Variants in BARX2 observed in about 807,000 individuals in gnomAD.
BARX2 encodes homeobox protein BarH-like 2.
Under a neutral mutation model 25.5 loss-of-function variants are expected in BARX2, and 11 were observed. The ratio of observed to expected loss-of-function variants is 0.43; its 90% CI spans 0.27 to 0.71. The LOEUF (loss-of-function observed/expected upper bound fraction) is 0.71. BARX2 is among the 30% of genes least tolerant of loss of function. The pLI, the probability that BARX2 is intolerant of heterozygous loss-of-function variation, is 0.19. For synonymous variants in BARX2, 137 were observed against 149.5 expected, an observed-to-expected ratio of 0.92 and a Z score of 0.61; for missense variants, 360 against 359.9, an observed-to-expected ratio of 1.00 and a Z score of 0.00.
In BARX2 at chr11:129,398,949, T is replaced by G. The variant is rs1861749303; in HGVS notation, c.187+22727T>G. On this transcript the variant is annotated intron_variant, in intron 1 of 3. Coordinates refer to ENST00000281437, the MANE Select transcript of BARX2 (RefSeq NM_003658.5). ...ATAACTGTGTTTTGTTCCTTTATAA[T>G]ACAGTTGCTCAGAGAAAGTCATGCT... 2.6e-5 allele frequency among the ~76,000 whole-genome samples: 4 copies of G among 152,322 alleles called. No homozygotes were observed. In the South Asian group the frequency reaches 8.3e-4, roughly 32 times the overall value.
At chr11:129,396,035 T>C (rs1861716920) in intron 1 of BARX2, among the ~76,000 whole-genome samples, 1 of 152,154 alleles carries the variant, frequency 6.6e-6, no homozygotes, top group Non-Finnish European at 1.5e-5. Context: ...GGTGTAATAA[T>C]AACCACCAGA....
At position 129,376,878 on chromosome 11, in the gene BARX2, C is replaced by G. The variant is rs1476110659; in HGVS notation, c.187+656C>G. Among the ~76,000 whole-genome samples, 1 of 152,186 alleles carries G rather than the reference C, an allele frequency of 6.6e-6. No individual in the cohort carries two copies. The highest frequency in any genetic ancestry group is 1.5e-5 in the Non-Finnish European group (1 of 68,048). ...GGTAACAATGAAAACATTACTCACA[C>G]CTGGTTTTCTCTCTTCACGGGAGGT... On this transcript the variant is annotated intron_variant, in intron 1 of 3. Coordinates refer to ENST00000281437, the MANE Select transcript of BARX2 (RefSeq NM_003658.5). This position sits in a 1 kb window ranked among gnomAD's most constrained non-coding sequence, Gnocchi z 4.2.
intron 1 of BARX2, among the ~76,000 whole-genome samples, chr11:129,433,242 T>A (rs1208252417): frequency 6.6e-6 from 1 of 152,130 alleles, no homozygotes; most frequent in Non-Finnish European, 1.5e-5. Flanking sequence ...ACTCTCTCTC[T>A]CATACCTGAC....
intron 1 of BARX2, among the ~76,000 whole-genome samples, chr11:129,403,285 C>T (rs1000732776): frequency 2.0e-5 from 3 of 152,230 alleles, no homozygotes; most frequent in Admixed American, 6.5e-5. Context: ...TATATTAGGG[C>T]AGTGTTGCAA....
chr11:129,375,841 C>T (rs1861495823), upstream of BARX2: 2 of 156,584 alleles, frequency 1.3e-5, no homozygotes, highest in Non-Finnish European at 2.8e-5. The surrounding 1 kb of genome is among the most constrained non-coding windows in gnomAD (Gnocchi z 4.0). Context: ...AGCGAAGATG[C>T]TGATCTGCGG....
At chr11:129,382,282 G>C (rs1487311890) in intron 1 of BARX2, among the ~76,000 whole-genome samples, 1 of 152,050 alleles carries the variant, frequency 6.6e-6, no homozygotes, top group Non-Finnish European at 1.5e-5. Flanking sequence ...GGGTTCAAGC[G>C]ATCCTCCCAC....
At chr11:129,440,027 A>G (rs902582670) in intron 2 of BARX2, among the ~76,000 whole-genome samples, 10 of 152,062 alleles carry the variant, frequency 6.6e-5, no homozygotes, top group African/African-American at 2.4e-4. Context: ...GGAGGACACC[A>G]TTGGCTGGCA....
chr11:129,444,017 A>T (rs577548719), intron 3 of BARX2, among the ~76,000 whole-genome samples: 110 of 152,182 alleles, frequency 7.2e-4, no homozygotes, highest in Non-Finnish European at 1.4e-3. Flanking sequence ...CTGTCTGGTC[A>T]CAGGCCCTAT....
intron 3 of BARX2, among the ~76,000 whole-genome samples, chr11:129,447,081 C>T (rs531102058): frequency 6.6e-6 from 1 of 152,192 alleles, no homozygotes; most frequent in Non-Finnish European, 1.5e-5. Context: ...GACTGTTAGA[C>T]TCAAATGGTC....
At chr11:129,445,708 TA>T (rs1345653273) in intron 3 of BARX2, among the ~76,000 whole-genome samples, 1 of 152,174 alleles carries the variant, frequency 6.6e-6, no homozygotes, top group East Asian at 1.9e-4. Context: ...AATAAAATTA[TA>T]AAAAGGTACT....
chr11:129,447,782 T>C (rs1238133248), intron 3 of BARX2, among the ~76,000 whole-genome samples: 3 of 152,196 alleles, frequency 2.0e-5, no homozygotes, highest in Admixed American at 6.5e-5. Context: ...ATTAGGTGGC[T>C]TCCATAGACC....
intron 1 of BARX2, among the ~76,000 whole-genome samples, chr11:129,429,897 C>A (rs2135408150): frequency 6.6e-6 from 1 of 152,310 alleles, no homozygotes; most frequent in South Asian, 2.1e-4. Flanking sequence ...TTCCAGAAAT[C>A]TTGTCTAAAT....
chr11:129,445,853 A>C (rs1205466922), intron 3 of BARX2, among the ~76,000 whole-genome samples: 1 of 151,710 alleles, frequency 6.6e-6, no homozygotes. Context: ...TGATTGCTTC[A>C]TCTAGTTTCC....
intron 2 of BARX2, 59 bp from the exon 3 acceptor site, chr11:129,442,776 C>T: frequency 7.0e-7 from 1 of 1,426,808 alleles, no homozygotes; most frequent in Middle Eastern, 1.8e-4. Flanking sequence ...CAGCAGGATC[C>T]CATCTCTCCT....
chr11:129,451,703 T>C lies in BARX2; in HGVS notation c.*301T>C. On this transcript the variant is annotated 3_prime_UTR_variant, in exon 4 of 4. Transcript: ENST00000281437. Reference sequence around the variant, plus strand: ...GGTGACGGCTGTAGGGCTGGGTCTATGTTGCAAGCCCTATATCCTAGCATG... The same window carrying C: ...GGTGACGGCTGTAGGGCTGGGTCTACGTTGCAAGCCCTATATCCTAGCATG... The C allele has an allele frequency of 5.1e-6, 2 of 394,174 alleles. No homozygotes were observed. Among genetic ancestry groups the C allele is most frequent in the Non-Finnish European group, 4.7e-6 (1 of 214,474 alleles). The allele number at this position is 394,174 out of a possible 1,614,324, so 24.4% of individuals were successfully genotyped here. A position where few individuals can be genotyped will look rare whatever the true frequency, so the allele number is the denominator to read the frequency against.
intron 1 of BARX2, among the ~76,000 whole-genome samples, chr11:129,419,702 T>C (rs1861982454): frequency 6.6e-6 from 1 of 152,098 alleles, no homozygotes; most frequent in Non-Finnish European, 1.5e-5. Context: ...ATTTAGGTCT[T>C]GTGGAGCCTC....
Position 129,416,596 on chromosome 11 carries a change from TG to T in BARX2, c.188-20150del, listed in dbSNP as rs543564670. Among the ~76,000 whole-genome samples, 511 of 152,296 alleles carry T rather than the reference TG, an allele frequency of 3.4e-3. 4 individuals carry two copies. The highest frequency in any genetic ancestry group is 0.011 in the African/African-American group (474 of 41,566). ...AAATGCTTGGAGTTTGTTGATATGT[TG>T]GGGGCTGGTCATTTCCTCCTTGAAC... is the stretch of plus-strand genomic sequence containing the variant. On this transcript the variant is annotated intron_variant, in intron 1 of 3. Coordinates refer to ENST00000281437, the MANE Select transcript of BARX2 (RefSeq NM_003658.5).
chr11:129,375,731 C>T (rs999608874), upstream of BARX2, among the ~76,000 whole-genome samples: 2 of 141,896 alleles, frequency 1.4e-5, no homozygotes, highest in African/African-American at 5.0e-5. The surrounding 1 kb of genome is among the most constrained non-coding windows in gnomAD (Gnocchi z 4.0). Context: ...CACGGGCGGG[C>T]GGGGGCGGGG....
chr11:129,442,264 G>A (rs1006895002), intron 2 of BARX2, among the ~76,000 whole-genome samples: 4 of 152,132 alleles, frequency 2.6e-5, no homozygotes, highest in African/African-American at 9.7e-5. Flanking sequence ...CGCTGCCCTG[G>A]CTACTGAGTT....
Sources: allele counts gnomAD v4.1 joint callset (sites outside exome capture counted in the v4.1 genomes callset), GRCh38; gene constraint gnomAD v4.1.1; non-coding constraint Gnocchi (gnomAD v3.1); transcripts MANE v1.5; gene names NCBI Gene and HGNC (gene_info 2026-07-23, HGNC 2026-07-21).